The following ZFHX3 variants were observed in gnomAD, a reference collection of about 807,000 sequenced individuals.
ZFHX3 encodes zinc finger homeobox protein 3.
ZFHX3 carries 42 observed loss-of-function variants against 279.1 expected under a neutral mutation model. The ratio of observed to expected loss-of-function variants is 0.15; its 90% confidence interval spans 0.12 to 0.19. The LOEUF (loss-of-function observed/expected upper bound fraction) is 0.19. Ranked by LOEUF, ZFHX3 falls within the 10% of genes least tolerant of loss-of-function variation. ZFHX3 has a pLI of 1.00. For missense variants in ZFHX3, 4,981 were observed against 4,754.0 expected (o/e 1.05, Z -1.40); for synonymous variants, 2,293 against 1,957.8 (o/e 1.17, Z -4.52).
chr16:73,050,081 T>C (rs966712697), upstream of ZFHX3, among the ~76,000 whole-genome samples: 24 of 152,154 alleles, frequency 1.6e-4, no homozygotes, highest in Non-Finnish European at 2.6e-4. Flanking sequence ...GTTGATACTC[T>C]CAGAAAATCT....
intron 2 of ZFHX3, among the ~76,000 whole-genome samples, chr16:73,583,786 G>A (rs190638387): frequency 4.7e-4 from 71 of 152,054 alleles, no homozygotes; most frequent in Admixed American, 9.2e-4. Flanking sequence ...AAAGAGAATC[G>A]GCAAAACCCA....
intron 2 of ZFHX3, among the ~76,000 whole-genome samples, chr16:73,584,606 T>C (rs1200784148): frequency 6.6e-6 from 1 of 152,220 alleles, no homozygotes; most frequent in Non-Finnish European, 1.5e-5. Flanking sequence ...GTCTAAAGGA[T>C]ATACTTTGGA....
intron 2 of ZFHX3, among the ~76,000 whole-genome samples, chr16:73,493,752 T>C (rs1383475014): frequency 5.3e-5 from 8 of 152,082 alleles, no homozygotes; most frequent in Non-Finnish European, 2.9e-5. Context: ...AAAACCATTG[T>C]TCCTGGGTGT....
intron 5 of ZFHX3, among the ~76,000 whole-genome samples, chr16:73,251,526 C>T (rs1198388041): frequency 6.6e-6 from 1 of 152,046 alleles, no homozygotes; most frequent in African/African-American, 2.4e-5. Context: ...CATTATAATC[C>T]CAGAACCTTG....
chr16:73,147,690 T>C (rs1597183057), intron 5 of ZFHX3, among the ~76,000 whole-genome samples: 1 of 21,978 alleles, frequency 4.6e-5, no homozygotes, highest in Non-Finnish European at 9.0e-5. Flanking sequence ...AGACTCCGTC[T>C]CAAAAAAAAA....
At position 73,370,671 on chromosome 16, in the gene ZFHX3, A is replaced by G. The variant is rs555860054; in HGVS notation, c.-1290-52335T>C. Among the ~76,000 whole-genome samples, 3 of 152,302 alleles carry G rather than the reference A, an allele frequency of 2.0e-5. No homozygotes were observed. The East Asian group carries it at 5.8e-4, about 30-fold the overall frequency. On this transcript the variant is annotated intron_variant, in intron 3 of 17. Coordinates refer to the ZFHX3 transcript ENST00000641206. Reference sequence around the variant, plus strand: ...TGTGATTACCAGGTTATGATGGTCAACTGCGGGAGGCTTCTATCCCCACGG... The same window carrying G: ...TGTGATTACCAGGTTATGATGGTCAGCTGCGGGAGGCTTCTATCCCCACGG...
chr16:73,166,591 AGGGAGG>A (rs1288140911), intron 5 of ZFHX3, among the ~76,000 whole-genome samples: 1 of 152,150 alleles, frequency 6.6e-6, no homozygotes, highest in Non-Finnish European at 1.5e-5. Flanking sequence ...GGAGAGAGGC[AGGGAGG>A]GGGTCTGCTG....
intron 3 of ZFHX3, among the ~76,000 whole-genome samples, chr16:73,382,199 G>T (rs2016828407): frequency 6.6e-6 from 1 of 152,138 alleles, no homozygotes; most frequent in South Asian, 2.1e-4. Flanking sequence ...GTGCAATAAG[G>T]TATGATTATA....
chr16:73,736,574 C>A (rs1884212311), intron 1 of ZFHX3, among the ~76,000 whole-genome samples: 2 of 151,740 alleles, frequency 1.3e-5, no homozygotes, highest in Admixed American at 6.5e-5. Flanking sequence ...GAAGAAAATA[C>A]AGAGAGGGAA....
chr16:73,833,357 T>TA (rs1179791911), intron 1 of ZFHX3, among the ~76,000 whole-genome samples: 1 of 152,048 alleles, frequency 6.6e-6, no homozygotes, highest in Non-Finnish European at 1.5e-5. Context: ...GACCCCAGCT[T>TA]AAAAAAATTA....
chr16:73,866,154 C>A (rs1039913462), intron 1 of ZFHX3, among the ~76,000 whole-genome samples: 1 of 149,678 alleles, frequency 6.7e-6, no homozygotes, highest in Non-Finnish European at 1.5e-5. Flanking sequence ...AGGTGCACAC[C>A]ACTATGCCAG....
At chr16:73,170,223 GTTTTT>G (rs1156523996) in intron 5 of ZFHX3, among the ~76,000 whole-genome samples, 9 of 57,746 alleles carry the variant, frequency 1.6e-4, no homozygotes, top group East Asian at 4.9e-4. Flanking sequence ...CCTTTCACTA[GTTTTT>G]TTTTTTTTTT....
chr16:73,001,831 G>A (rs898835638), intron 1 of ZFHX3, among the ~76,000 whole-genome samples: 1 of 151,890 alleles, frequency 6.6e-6, no homozygotes, highest in Admixed American at 6.6e-5. Context: ...AAAAAAAAGG[G>A]GGGGAAAGAA....
At chr16:73,561,626 T>A (rs2020370911) in intron 2 of ZFHX3, among the ~76,000 whole-genome samples, 1 of 150,372 alleles carries the variant, frequency 6.7e-6, no homozygotes, top group Admixed American at 6.6e-5. Flanking sequence ...ATTTTTCAAG[T>A]TCAAAATAAC....
At chr16:73,380,995 C>A (rs769420577) in intron 3 of ZFHX3, among the ~76,000 whole-genome samples, 1 of 152,184 alleles carries the variant, frequency 6.6e-6, no homozygotes, top group Non-Finnish European at 1.5e-5. Context: ...CTATTCCTAT[C>A]TTCCTTAGAG....
intron 3 of ZFHX3, among the ~76,000 whole-genome samples, chr16:72,926,708 ACAG>A (rs1856434711): frequency 6.6e-6 from 1 of 152,214 alleles, no homozygotes; most frequent in African/African-American, 2.4e-5. Flanking sequence ...TCCAACACAG[ACAG>A]CAGGCCCAGC....
intron 4 of ZFHX3, among the ~76,000 whole-genome samples, chr16:73,285,170 G>T (rs958586421): frequency 2.0e-5 from 3 of 152,220 alleles, no homozygotes; most frequent in African/African-American, 7.2e-5. Context: ...CCTTGAGAAA[G>T]GGTGGTTCTC....
chr16:73,838,954 G>A (rs1042134255), intron 1 of ZFHX3, among the ~76,000 whole-genome samples: 1 of 152,074 alleles, frequency 6.6e-6, no homozygotes, highest in Non-Finnish European at 1.5e-5. Flanking sequence ...TATCAAGGCA[G>A]GGAGATCAAG....
At chr16:73,155,191 A>G (rs1178650649) in intron 5 of ZFHX3, among the ~76,000 whole-genome samples, 24 of 151,806 alleles carry the variant, frequency 1.6e-4, no homozygotes, top group African/African-American at 5.8e-4. Flanking sequence ...AAAAAAAAAA[A>G]AAACAAAAAA....
Sources: allele counts gnomAD v4.1 joint callset (sites outside exome capture counted in the v4.1 genomes callset), GRCh38; gene constraint gnomAD v4.1.1; transcripts MANE v1.5; gene names NCBI Gene and HGNC (gene_info 2026-07-23, HGNC 2026-07-21).